The following CMIP variants were observed in gnomAD, a reference collection of about 807,000 sequenced individuals.
CMIP encodes the protein c-Maf inducing protein.
CMIP carries 13 observed loss-of-function variants against 97.3 expected under a neutral mutation model. That is an observed-to-expected ratio of 0.13 (90% CI 0.09 to 0.21). The LOEUF is 0.21. Among genes scored for constraint, CMIP ranks in the 10% least tolerant of loss-of-function variants. The probability of loss-of-function intolerance (pLI) is 1.00; values close to 1 mark genes in which losing one functional copy is unlikely to be tolerated. For synonymous variants in CMIP, 538 were observed against 436.3 expected, an observed-to-expected ratio of 1.23 and a Z score of -2.91; for missense variants, 847 against 1,024.9, an observed-to-expected ratio of 0.83 and a Z score of 2.37.
chr16:81,544,872 T>A (rs752173195), intron 1 of CMIP, among the ~76,000 whole-genome samples: 1 of 151,968 alleles, frequency 6.6e-6, no homozygotes, highest in Non-Finnish European at 1.5e-5. Context: ...TGGGGTTGAG[T>A]AACTTTATGA....
intron 7 of CMIP, among the ~76,000 whole-genome samples, chr16:81,669,002 T>C (rs1232007856): frequency 2.2e-5 from 2 of 90,118 alleles, no homozygotes; most frequent in Non-Finnish European, 4.4e-5. Context: ...CTCTCCTCCT[T>C]CCACACCCAC....
At position 81,476,546 on chromosome 16, in the gene CMIP, C is replaced by T. The variant is rs568083455; in HGVS notation, c.300+31005C>T. 196 of 613,080 alleles carry T rather than the reference C, an allele frequency of 3.2e-4. 3 individuals carry two copies. The highest frequency in any genetic ancestry group is 2.8e-3 in the South Asian group (180 of 64,410). The allele number at this position is 613,080 out of a possible 1,614,324, so 38.0% of individuals were successfully genotyped here. A position where few individuals can be genotyped will look rare whatever the true frequency, so the allele number is the denominator to read the frequency against. On this transcript the variant is annotated intron_variant, in intron 1 of 20. Coordinates refer to ENST00000537098, the MANE Select transcript of CMIP (RefSeq NM_198390.3). Reference sequence around the variant, plus strand: ...GCTGATAGAACAGGTTTCCCGACGGCGCCGGTGTCTGCAGAGTGGCCATGT... The same window carrying T: ...GCTGATAGAACAGGTTTCCCGACGGTGCCGGTGTCTGCAGAGTGGCCATGT...
intron 1 of CMIP, among the ~76,000 whole-genome samples, chr16:81,505,509 C>T (rs550261998): frequency 6.8e-4 from 104 of 152,352 alleles, no homozygotes; most frequent in African/African-American, 2.5e-3. Context: ...GGCCGAGTTT[C>T]TGGTCCCTCT....
intron 1 of CMIP, among the ~76,000 whole-genome samples, chr16:81,523,641 C>T (rs1228630138): frequency 5.3e-5 from 8 of 152,328 alleles, no homozygotes; most frequent in African/African-American, 1.7e-4. Context: ...CCCCTTCCCG[C>T]GAAAAGCCAT....
intron 3 of CMIP, among the ~76,000 whole-genome samples, chr16:81,624,959 A>T (rs1014046343): frequency 6.6e-6 from 1 of 152,176 alleles, no homozygotes; most frequent in African/African-American, 2.4e-5. Context: ...TTGCTCGGCA[A>T]TGGACACTGC....
chr16:81,649,865 C>CTT (rs1455092196), intron 3 of CMIP, among the ~76,000 whole-genome samples: 4 of 152,198 alleles, frequency 2.6e-5, no homozygotes, highest in African/African-American at 9.6e-5. Context: ...TGGGTACAAA[C>CTT]TAAAACCACA....
intron 8 of CMIP, among the ~76,000 whole-genome samples, chr16:81,670,613 T>G (rs1273677512): frequency 1.3e-4 from 6 of 45,668 alleles, no homozygotes; most frequent in Non-Finnish European, 2.2e-4. Flanking sequence ...GTGTTTTGGG[T>G]TTTTTTTGGG....
At chr16:81,457,671 G>A (rs891084252) in intron 1 of CMIP, among the ~76,000 whole-genome samples, 9 of 152,208 alleles carry the variant, frequency 5.9e-5, no homozygotes, top group African/African-American at 1.7e-4. Flanking sequence ...CACCTACCTC[G>A]TGAGGTCCCA....
At chr16:81,479,716 ACTACCACCT>A (rs1247218270) in intron 1 of CMIP, among the ~76,000 whole-genome samples, 1 of 152,174 alleles carries the variant, frequency 6.6e-6, no homozygotes, top group Non-Finnish European at 1.5e-5. Flanking sequence ...ATATTTAGCC[ACTACCACCT>A]CTGTCTAGTT....
chr16:81,493,756 G>T (rs1012442780), intron 1 of CMIP, among the ~76,000 whole-genome samples: 1 of 152,214 alleles, frequency 6.6e-6, no homozygotes. Flanking sequence ...CACGCACGTC[G>T]CAGAACCCAC....
intron 5 of CMIP, among the ~76,000 whole-genome samples, chr16:81,658,601 G>A (rs750214228): frequency 2.6e-5 from 4 of 152,238 alleles, no homozygotes; most frequent in East Asian, 1.9e-4. Flanking sequence ...GTGGCAAAAC[G>A]GGATAAAAGC....
chr16:81,533,360 C>T (rs1270311704), intron 1 of CMIP, among the ~76,000 whole-genome samples: 1 of 152,238 alleles, frequency 6.6e-6, no homozygotes, highest in Non-Finnish European at 1.5e-5. Flanking sequence ...GCAGCACTCA[C>T]TTTGTCCATT....
chr16:81,607,596 C>T lies in CMIP; in HGVS notation c.330C>T (p.Ser110=), dbSNP rs1453011638. Residue 110 remains serine, a synonymous_variant, in exon 2 of 21, where the codon TCC becomes TCT. Transcript: ENST00000537098. ...TPTGYMENSV[S]YSAIEDVQLL... ...CTGGGTACATGGAAAACTCAGTCTC[C>T]TACAGCGCAATTGAAGACGTTCAGC... 1 of 1,614,002 alleles carries T rather than the reference C, an allele frequency of 6.2e-7. No homozygotes were observed. The highest frequency in any genetic ancestry group is 1.1e-5 in the South Asian group (1 of 91,088).
intron 2 of CMIP, chr16:81,618,376 A>G (rs1406112275): frequency 6.6e-6 from 1 of 152,134 alleles, no homozygotes; most frequent in African/African-American, 2.4e-5. Context: ...TTGTGATTTC[A>G]TTGGGCTACC....
chr16:81,706,153 A>G (rs1296084662), intron 19 of CMIP, among the ~76,000 whole-genome samples: 1 of 152,250 alleles, frequency 6.6e-6, no homozygotes, highest in Non-Finnish European at 1.5e-5. Flanking sequence ...CAGGTGACTG[A>G]ACTAGCCTCA....
intron 3 of CMIP, among the ~76,000 whole-genome samples, chr16:81,641,849 A>G (rs2092310229): frequency 6.6e-6 from 1 of 152,196 alleles, no homozygotes; most frequent in African/African-American, 2.4e-5. Context: ...TGATCAAGGC[A>G]TAGAGGTGCT....
intron 1 of CMIP, among the ~76,000 whole-genome samples, chr16:81,541,169 AC>A (rs1166639270): frequency 6.6e-6 from 1 of 151,920 alleles, no homozygotes; most frequent in Admixed American, 6.6e-5. Context: ...TCCACCCCCG[AC>A]CCTGTTCCTA....
In CMIP at chr16:81,701,798, C is replaced by G; in HGVS notation, c.1894C>G (p.Leu632Val). The G allele has an allele frequency of 6.2e-7, 1 of 1,613,452 alleles. No individual in the cohort carries two copies. Among genetic ancestry groups the G allele is most frequent in the South Asian group, 1.1e-5 (1 of 91,088 alleles). The change falls in exon 16 of 21, where the codon CTG becomes GTG. Residue 632 changes from leucine to valine, a missense_variant and splice_region_variant. Transcript: ENST00000537098. ...TGACCGGCAGCGGGAGCTGAAGGAG[C>G]TGGTGAGTCCCCGGCTGCTCCGGAC... ...LCDRQRELKELQRKGGPTRLT... is the reference protein window; with the variant it reads ...LCDRQRELKEVQRKGGPTRLT...
At chr16:81,590,026 G>T (rs956907675) in intron 1 of CMIP, among the ~76,000 whole-genome samples, 1 of 151,410 alleles carries the variant, frequency 6.6e-6, no homozygotes, top group South Asian at 2.1e-4. Flanking sequence ...GAGGCCCAGG[G>T]ATTGACTGCA....
Sources: gnomAD v4.1 joint callset for allele counts (sites outside exome capture counted in the v4.1 genomes callset) on GRCh38, gnomAD v4.1.1 for gene constraint, MANE v1.5 for transcripts, NCBI Gene and HGNC (gene_info 2026-07-23, HGNC 2026-07-21) for gene names.